Variants in TASP1 observed in about 807,000 individuals in gnomAD.
TASP1 encodes threonine aspartase 1.
A neutral mutation model predicts 56.6 loss-of-function variants in TASP1; 16 were observed. The ratio of observed to expected loss-of-function variants is 0.28; its 90% CI spans 0.19 to 0.43. TASP1 has a LOEUF of 0.43. Ranked by LOEUF, TASP1 falls within the 20% of genes least tolerant of loss-of-function variation. The pLI is 1.00. For synonymous variants in TASP1, 179 were observed against 184.2 expected (o/e 0.97, Z 0.23); for missense variants, 393 against 511.6 (o/e 0.77, Z 2.24).
At chr20:13,285,319 A>G in the TASP1 span, among the ~76,000 whole-genome samples, 1 of 152,008 alleles carries the variant, frequency 6.6e-6, no homozygotes, top group Non-Finnish European at 1.5e-5. Context: ...GAAAGGAAAA[A>G]AAAAGCCAAC....
the TASP1 span, among the ~76,000 whole-genome samples, chr20:13,304,487 T>C: frequency 2.6e-5 from 4 of 152,196 alleles, no homozygotes; most frequent in East Asian, 7.7e-4. Context: ...CCAGTGCTTT[T>C]GCTGTCCCAA....
intron 4 of TASP1, among the ~76,000 whole-genome samples, chr20:13,611,633 T>C (rs1568649286): frequency 1.3e-5 from 2 of 152,196 alleles, no homozygotes; most frequent in Admixed American, 6.5e-5. Context: ...CATACATTCA[T>C]TTCCCTGGCC....
the TASP1 span, among the ~76,000 whole-genome samples, chr20:13,186,950 A>T: frequency 6.6e-6 from 1 of 152,222 alleles, no homozygotes; most frequent in Non-Finnish European, 1.5e-5. Context: ...AATTAAAATA[A>T]CTCTGAAAAA....
the TASP1 span, among the ~76,000 whole-genome samples, chr20:13,199,392 G>T: frequency 6.3e-3 from 933 of 147,382 alleles, 44 homozygotes; most frequent in Admixed American, 0.053. Flanking sequence ...CCCTCTTTCC[G>T]TCCTCCTTCC....
intron 10 of TASP1, among the ~76,000 whole-genome samples, chr20:13,521,235 A>T (rs1211728779): frequency 6.6e-6 from 1 of 152,042 alleles, no homozygotes; most frequent in Admixed American, 6.6e-5. Flanking sequence ...AGGGATCTAG[A>T]ACTAGAAATA....
At chr20:13,150,902 A>C in the TASP1 span, among the ~76,000 whole-genome samples, 7 of 151,968 alleles carry the variant, frequency 4.6e-5, no homozygotes, top group African/African-American at 7.3e-5. Flanking sequence ...TTCATTCATC[A>C]TTTATTGATT....
chr20:13,425,432 C>T (rs1440987121), intron 12 of TASP1, among the ~76,000 whole-genome samples: 3 of 152,042 alleles, frequency 2.0e-5, no homozygotes, highest in Admixed American at 2.0e-4. Context: ...TCATCAGTCA[C>T]TCTCCTCCTC....
intron 6 of TASP1, among the ~76,000 whole-genome samples, chr20:13,575,757 T>C (rs2046882062): frequency 6.6e-6 from 1 of 152,156 alleles, no homozygotes; most frequent in Non-Finnish European, 1.5e-5. Flanking sequence ...TCTTCCTTAA[T>C]ATCACAAAGA....
chr20:13,550,940 T>C (rs918390768), intron 8 of TASP1, among the ~76,000 whole-genome samples: 1 of 152,162 alleles, frequency 6.6e-6, no homozygotes, highest in Non-Finnish European at 1.5e-5. Context: ...AAAACTACAA[T>C]GATTTAGTAT....
chr20:13,270,642 C>G, the TASP1 span: 1 of 1,613,970 alleles, frequency 6.2e-7, no homozygotes, highest in Non-Finnish European at 8.5e-7. Flanking sequence ...GACGGGGCAC[C>G]CTTCATTGCA....
intron 10 of TASP1, among the ~76,000 whole-genome samples, chr20:13,516,938 G>A (rs1233934369): frequency 2.6e-5 from 4 of 151,972 alleles, no homozygotes; most frequent in Non-Finnish European, 5.9e-5. Context: ...AGGGTGATGG[G>A]TAGTGTTAAG....
chr20:13,289,617 A>G, the TASP1 span, among the ~76,000 whole-genome samples: 3 of 151,762 alleles, frequency 2.0e-5, no homozygotes, highest in African/African-American at 4.8e-5. Context: ...GAAGAAAGAG[A>G]AGGAGGAGGA....
intron 13 of TASP1, among the ~76,000 whole-genome samples, chr20:13,407,689 C>T (rs900150302): frequency 6.6e-6 from 1 of 152,122 alleles, no homozygotes; most frequent in Non-Finnish European, 1.5e-5. Context: ...TTTTACATTC[C>T]TATCAGTGAT....
At chr20:13,204,528 C>CATATATATATATATATAT in the TASP1 span, among the ~76,000 whole-genome samples, 895 of 145,238 alleles carry the variant, frequency 6.2e-3, 12 homozygotes, top group East Asian at 0.031. Context: ...TTTATATATT[C>CATATATATATATATATAT]ATATATATAT....
At chr20:13,129,193 G>T in the TASP1 span, among the ~76,000 whole-genome samples, 1 of 152,012 alleles carries the variant, frequency 6.6e-6, no homozygotes, top group African/African-American at 2.4e-5. Context: ...GTCGAGACGG[G>T]GTTTCACCAC....
chr20:13,220,190 G>C, the TASP1 span, among the ~76,000 whole-genome samples: 1 of 152,188 alleles, frequency 6.6e-6, no homozygotes, highest in Non-Finnish European at 1.5e-5. Context: ...AGGAGGGGAA[G>C]CGCAGTATAA....
intron 13 of TASP1, among the ~76,000 whole-genome samples, chr20:13,407,574 T>C (rs1380887263): frequency 6.6e-6 from 1 of 152,212 alleles, no homozygotes; most frequent in Non-Finnish European, 1.5e-5. Flanking sequence ...TATCTTTTCA[T>C]TTTCTTGGGC....
chr20:13,126,612 G>T, the TASP1 span: 2 of 1,613,656 alleles, frequency 1.2e-6, no homozygotes, highest in Non-Finnish European at 1.7e-6. Context: ...TTATTTACGG[G>T]TTCACTCGCA....
intron 11 of TASP1, among the ~76,000 whole-genome samples, chr20:13,445,992 T>C (rs2043396535): frequency 6.6e-6 from 1 of 152,180 alleles, no homozygotes; most frequent in African/African-American, 2.4e-5. Flanking sequence ...AATGTGTACA[T>C]ACTGAATAAG....
Sources: allele counts gnomAD v4.1 joint callset (sites outside exome capture counted in the v4.1 genomes callset), GRCh38; gene constraint gnomAD v4.1.1; transcripts MANE v1.5; gene names NCBI Gene and HGNC (gene_info 2026-07-23, HGNC 2026-07-21).